The following COPG2 variants were observed in gnomAD, a reference collection of about 807,000 sequenced individuals.
COPG2 encodes coatomer subunit gamma-2.
Under a neutral mutation model 46.3 loss-of-function variants are expected in COPG2, and 37 were observed. The observed-to-expected ratio is 0.80, with a 90% CI of 0.61 to 1.05. COPG2 has a LOEUF of 1.05. Among genes scored for constraint, COPG2 ranks in the 50% least tolerant of loss-of-function variants. The pLI, the probability that COPG2 is intolerant of heterozygous loss-of-function variation, is 0.00. For synonymous variants in COPG2, 159 were observed against 129.7 expected, an observed-to-expected ratio of 1.23 and a Z score of -1.53; for missense variants, 427 against 387.8, an observed-to-expected ratio of 1.10 and a Z score of -0.85.
chr7:130,543,519 G>A (rs1171041185), intron 20 of COPG2, among the ~76,000 whole-genome samples: 3 of 152,194 alleles, frequency 2.0e-5, no homozygotes, highest in East Asian at 1.9e-4. Context: ...TCTGAAGGAT[G>A]AGCTTCATCA....
At position 130,561,193 on chromosome 7, in the gene COPG2, G is replaced by GT. The variant is rs1793713396; in HGVS notation, c.967dup (p.Thr323AsnfsTer32). 2.5e-6 allele frequency: 1 copy of GT among 398,574 alleles called. No homozygotes were observed. The highest frequency in any genetic ancestry group is 4.4e-6 in the Non-Finnish European group (1 of 226,034). 24.7% of individuals were successfully genotyped at this position (398,574 alleles called of 1,614,324 possible). A position where few individuals can be genotyped will look rare whatever the true frequency, so the allele number is the denominator to read the frequency against. On this transcript the variant is annotated frameshift_variant, in exon 12 of 24. Coordinates refer to ENST00000425248, the MANE Select transcript of COPG2 (RefSeq NM_012133.6). LOFTEE classifies it high-confidence loss of function. ...GTTTTCTAAGTCCAGATTGCAGGCA[G>GT]TAACAGCAGAGGGGTGCTTCATTGC...
intron 5 of COPG2, among the ~76,000 whole-genome samples, chr7:130,631,797 T>C (rs1003692739): frequency 2.0e-5 from 3 of 152,212 alleles, no homozygotes; most frequent in African/African-American, 7.2e-5. Context: ...AAGGAAAATT[T>C]CTTGTTTATC....
chr7:130,617,621 A>G (rs951566811), intron 5 of COPG2, among the ~76,000 whole-genome samples: 5 of 152,190 alleles, frequency 3.3e-5, no homozygotes, highest in Non-Finnish European at 5.9e-5. Context: ...TCCATGCTTT[A>G]AAGAGGTTTT....
chr7:130,626,573 G>GAGAGC (rs1454361292), intron 5 of COPG2, among the ~76,000 whole-genome samples: 1 of 151,978 alleles, frequency 6.6e-6, no homozygotes, highest in African/African-American at 2.4e-5. Context: ...GTCTATAAGA[G>GAGAGC]AGAGCGCTCC....
rs1045745090 is a variant in COPG2 at position 130,516,412 on chromosome 7, G to A, written c.2150-7753C>T. 2.6e-4 allele frequency among the ~76,000 whole-genome samples: 39 copies of A among 152,320 alleles called. 1 individual carries two copies. Among genetic ancestry groups the A allele is most frequent in the South Asian group, 1.5e-3 (7 of 4,826 alleles). ...CTATGAAAGGTTAGGCTATACAGGG[G>A]AAGCCTCCAAAGGGAAATCTGGAAA... On this transcript the variant is annotated intron_variant, in intron 20 of 23. Coordinates refer to ENST00000425248, the MANE Select transcript of COPG2 (RefSeq NM_012133.6).
chr7:130,582,488 T>C (rs2116442332), intron 9 of COPG2, among the ~76,000 whole-genome samples: 1 of 151,788 alleles, frequency 6.6e-6, no homozygotes, highest in South Asian at 2.1e-4. Context: ...AAAGACAAAA[T>C]TGACAAATGG....
chr7:130,540,343 C>G (rs974721716), intron 20 of COPG2, among the ~76,000 whole-genome samples: 3 of 151,804 alleles, frequency 2.0e-5, no homozygotes, highest in Admixed American at 6.6e-5. Flanking sequence ...TAGGAAACAA[C>G]TGAGAACTCG....
chr7:130,603,822 C>G, intron 9 of COPG2: 1 of 519,040 alleles, frequency 1.9e-6, no homozygotes, highest in South Asian at 1.4e-5. Context: ...GTTAACAGTG[C>G]CAACCCCCAT....
At chr7:130,550,051 A>T (rs1406890724) in intron 17 of COPG2, among the ~76,000 whole-genome samples, 4 of 152,176 alleles carry the variant, frequency 2.6e-5, no homozygotes, top group Non-Finnish European at 5.9e-5. Flanking sequence ...TACTGCTTTT[A>T]TGTAAAAACC....
chr7:130,543,699 C>G (rs1793380967), intron 20 of COPG2, among the ~76,000 whole-genome samples: 2 of 152,122 alleles, frequency 1.3e-5, no homozygotes, highest in African/African-American at 2.4e-5. Context: ...CTGGGCGTTA[C>G]CAATAGAGCA....
intron 9 of COPG2, among the ~76,000 whole-genome samples, chr7:130,591,714 T>C (rs1794429842): frequency 8.2e-6 from 1 of 121,752 alleles, no homozygotes; most frequent in Admixed American, 8.5e-5. Context: ...AGCCGCCCAG[T>C]CCGGGAAGGA....
intron 5 of COPG2, among the ~76,000 whole-genome samples, chr7:130,618,946 C>T (rs949377767): frequency 3.9e-5 from 6 of 152,212 alleles, no homozygotes; most frequent in African/African-American, 1.4e-4. Flanking sequence ...TGCTTTCACC[C>T]CTCCTTTTAT....
At chr7:130,543,518 TG>T (rs1584968246) in intron 20 of COPG2, among the ~76,000 whole-genome samples, 2 of 152,310 alleles carry the variant, frequency 1.3e-5, no homozygotes. Context: ...GTCTGAAGGA[TG>T]AGCTTCATCA....
chr7:130,651,969 T>G (rs1266676264), intron 5 of COPG2, among the ~76,000 whole-genome samples: 2 of 152,146 alleles, frequency 1.3e-5, no homozygotes, highest in Admixed American at 1.3e-4. Flanking sequence ...TTCTTTAAAG[T>G]GAGACTATAT....
At chr7:130,603,754 CA>C in intron 9 of COPG2, 1 of 391,748 alleles carries the variant, frequency 2.6e-6, no homozygotes, top group Non-Finnish European at 5.0e-6. Flanking sequence ...AAATTTGCGG[CA>C]ATTATGAATA....
At chr7:130,611,595 C>T (rs1160647711) in intron 8 of COPG2, among the ~76,000 whole-genome samples, 1 of 152,178 alleles carries the variant, frequency 6.6e-6, no homozygotes, top group African/African-American at 2.4e-5. Context: ...AAAATGACTA[C>T]TCTGTTTCCT....
chr7:130,654,152 GACAA>G (rs1206499010), intron 4 of COPG2, among the ~76,000 whole-genome samples: 2 of 152,076 alleles, frequency 1.3e-5, no homozygotes, highest in African/African-American at 2.4e-5. Context: ...AAATTCAAAA[GACAA>G]ACAACACAAA....
At chr7:130,535,812 T>C (rs1232198070) in intron 20 of COPG2, among the ~76,000 whole-genome samples, 1 of 151,678 alleles carries the variant, frequency 6.6e-6, no homozygotes, top group Non-Finnish European at 1.5e-5. Flanking sequence ...CAATTACATG[T>C]TGAGTGTTGA....
intron 8 of COPG2, 97 bp from the exon 9 acceptor site, chr7:130,611,207 T>C: frequency 8.9e-7 from 1 of 1,121,744 alleles, no homozygotes; most frequent in Non-Finnish European, 1.3e-6. Flanking sequence ...AAAGATTTCT[T>C]TAAAATACCC....
Sources: gnomAD v4.1 joint callset for allele counts (sites outside exome capture counted in the v4.1 genomes callset) on GRCh38, gnomAD v4.1.1 for gene constraint, MANE v1.5 for transcripts, NCBI Gene and HGNC (gene_info 2026-07-23, HGNC 2026-07-21) for gene names.